LRCH1: variants seen among roughly 807,000 people sequenced by gnomAD.
LRCH1 encodes leucine rich repeats and calponin homology domain containing 1, also known as leucine-rich repeat and calponin homology domain-containing protein 1.
Under a neutral mutation model 94.9 loss-of-function variants are expected in LRCH1, and 23 were observed. The observed-to-expected ratio is 0.24, with a 90% CI of 0.17 to 0.34. The LOEUF (loss-of-function observed/expected upper bound fraction) is 0.34, where lower values mean the gene tolerates loss of function less well. Among genes scored for constraint, LRCH1 ranks in the 10% least tolerant of loss-of-function variants. LRCH1 has a pLI of 1.00. For missense variants in LRCH1, 790 were observed against 945.9 expected, an observed-to-expected ratio of 0.84 and a Z score of 2.16; for synonymous variants, 364 against 354.9, an observed-to-expected ratio of 1.03 and a Z score of -0.29.
chr13:46,585,352 C>T (rs1040411213), intron 1 of LRCH1, among the ~76,000 whole-genome samples: 10 of 151,900 alleles, frequency 6.6e-5, no homozygotes, highest in Non-Finnish European at 1.2e-4. Flanking sequence ...CCGAGGCAGG[C>T]GGATCACGAG....
At chr13:46,629,081 C>G (rs988910484) in intron 1 of LRCH1, among the ~76,000 whole-genome samples, 1 of 152,278 alleles carries the variant, frequency 6.6e-6, no homozygotes, top group Non-Finnish European at 1.5e-5. Context: ...TCTCAGAGGG[C>G]CTTTCCCAAG....
At chr13:46,577,562 G>T (rs1229614200) in intron 1 of LRCH1, among the ~76,000 whole-genome samples, 1 of 152,186 alleles carries the variant, frequency 6.6e-6, no homozygotes, top group Non-Finnish European at 1.5e-5. Flanking sequence ...AAGGTGGTAG[G>T]TTATACAGGG....
rs907696499 is a variant in LRCH1 at position 46,743,736 on chromosome 13, A to G, written c.*1888A>G. On this transcript the variant is annotated 3_prime_UTR_variant, in exon 20 of 20. Transcript: ENST00000389797. The stretch of plus-strand genomic sequence containing the variant: ...CCTTCTTTCTGGGGAGAAAATGGGA[A>G]AAAAAAAAAGAAAACTTACTGGGTT... The G allele has an allele frequency of 1.2e-5, 8 of 653,922 alleles. No homozygotes were observed. The highest frequency in any genetic ancestry group is 3.3e-4 in the East Asian group (1 of 3,008). The allele number at this position is 653,922 out of a possible 1,614,324, so 40.5% of individuals were successfully genotyped here.
chr13:46,584,605 C>T (rs554251500), intron 1 of LRCH1, among the ~76,000 whole-genome samples: 1 of 152,336 alleles, frequency 6.6e-6, no homozygotes, highest in East Asian at 1.9e-4. Context: ...GCCCCCTCAG[C>T]TCCTGTTGGA....
intron 2 of LRCH1, 50 bp downstream of exon 2, chr13:46,650,395 AC>A (rs768288231): frequency 8.2e-6 from 12 of 1,471,954 alleles, no homozygotes; most frequent in Non-Finnish European, 9.2e-6. Flanking sequence ...GAAATAAAAA[AC>A]TTATGCTTTC....
intron 1 of LRCH1, among the ~76,000 whole-genome samples, chr13:46,583,582 G>A (rs1477545686): frequency 6.6e-6 from 1 of 152,102 alleles, no homozygotes; most frequent in Non-Finnish European, 1.5e-5. Context: ...CCTTTGGACA[G>A]GATATCTAAT....
intron 9 of LRCH1, 47 bp from the exon 10 acceptor site, chr13:46,699,289 A>G: frequency 1.3e-6 from 2 of 1,505,834 alleles, no homozygotes; most frequent in Admixed American, 1.7e-5. Flanking sequence ...GCTCCTGACT[A>G]CTGAGTAGCC....
At chr13:46,665,308 A>G (rs376508209) in intron 2 of LRCH1, among the ~76,000 whole-genome samples, 10 of 152,240 alleles carry the variant, frequency 6.6e-5, no homozygotes, top group African/African-American at 2.4e-4. Context: ...AATAAGTGCC[A>G]TAGTCAAAAT....
In LRCH1 at chr13:46,708,474, G is replaced by A. The variant is rs566564164; in HGVS notation, c.1527+3170G>A. On this transcript the variant is annotated intron_variant, in intron 13 of 19. Coordinates refer to ENST00000389797, the MANE Select transcript of LRCH1 (RefSeq NM_001164211.2). ...TTTAGTAGAGACAGGGTTTTGCCAC[G>A]TTGGCCAAGCTGGTCTCAAACTTCT... 2.9e-4 allele frequency among the ~76,000 whole-genome samples: 44 copies of A among 152,124 alleles called. No homozygotes were observed. In the South Asian group the frequency reaches 4.8e-3, roughly 16 times the overall value.
At chr13:46,681,963 T>TGTGTGTGTGC in intron 4 of LRCH1, 117 bp downstream of exon 4, 1 of 644,532 alleles carries the variant, frequency 1.6e-6, no homozygotes, top group East Asian at 2.7e-5. Context: ...TGTGTGTGTG[T>TGTGTGTGTGC]GTGCCTACTA....
intron 2 of LRCH1, among the ~76,000 whole-genome samples, chr13:46,657,553 C>G (rs1214413084): frequency 2.4e-4 from 13 of 54,490 alleles, no homozygotes; most frequent in Non-Finnish European, 4.2e-4. Context: ...GAGGCAGGGT[C>G]TTGCTCTGTT....
At chr13:46,607,774 TTAACCAGGTGAGCAACTTCCTGGCGAG>T (rs1400010111) in intron 1 of LRCH1, among the ~76,000 whole-genome samples, 3 of 152,098 alleles carry the variant, frequency 2.0e-5, no homozygotes. Flanking sequence ...TTATTATCTA[TTAACCAGGTGAGCAACTTCCTGGCGAG>T]TGAGGGGTGC....
At chr13:46,619,986 T>C (rs2138021476) in intron 1 of LRCH1, among the ~76,000 whole-genome samples, 1 of 152,354 alleles carries the variant, frequency 6.6e-6, no homozygotes, top group African/African-American at 2.4e-5. Context: ...GTATGTTTAA[T>C]TTCCTTTTGG....
chr13:46,567,672 CT>C, intron 1 of LRCH1, among the ~76,000 whole-genome samples: 1 of 152,188 alleles, frequency 6.6e-6, no homozygotes, highest in Non-Finnish European at 1.5e-5. Context: ...CTATACAGTA[CT>C]GTAAAAGGTA....
intron 1 of LRCH1, among the ~76,000 whole-genome samples, chr13:46,612,540 G>A (rs1686914685): frequency 6.6e-6 from 1 of 152,162 alleles, no homozygotes; most frequent in Non-Finnish European, 1.5e-5. Context: ...CCTCTTTGGG[G>A]AGATAGGCTC....
intron 4 of LRCH1, among the ~76,000 whole-genome samples, chr13:46,685,168 C>A (rs563121603): frequency 9.8e-5 from 15 of 152,330 alleles, no homozygotes; most frequent in Middle Eastern, 3.4e-3. Flanking sequence ...CCCTAGATGT[C>A]TGGCGTGGCC....
chr13:46,718,819 G>A (rs748804733), intron 16 of LRCH1, among the ~76,000 whole-genome samples: 22 of 152,202 alleles, frequency 1.4e-4, no homozygotes, highest in Non-Finnish European at 2.8e-4. Context: ...CCAAGGAGAA[G>A]TTGAGAGCTA....
intron 5 of LRCH1, among the ~76,000 whole-genome samples, chr13:46,686,407 G>C (rs1870617866): frequency 1.3e-5 from 2 of 152,136 alleles, no homozygotes; most frequent in Admixed American, 1.3e-4. Context: ...TTCTGGGCGT[G>C]GGGCAGGACC....
rs543386051 is a variant in LRCH1 at position 46,718,359 on chromosome 13, A to C, written c.1759+2695A>C. ...CACTATAGGTATTATTTTTCCCATT[A>C]GAGAAATGAAGAAACTGAGGATATA... is the stretch of plus-strand genomic sequence containing the variant. On this transcript the variant is annotated intron_variant, in intron 16 of 19. Transcript: ENST00000389797. Among the ~76,000 whole-genome samples the C allele has an allele frequency of 4.6e-5, 7 of 152,292 alleles. No homozygotes were observed. In the South Asian group the frequency reaches 1.4e-3, roughly 32 times the overall value.
Sources: allele counts gnomAD v4.1 joint callset (sites outside exome capture counted in the v4.1 genomes callset), GRCh38; gene constraint gnomAD v4.1.1; transcripts MANE v1.5; gene names NCBI Gene and HGNC (gene_info 2026-07-23, HGNC 2026-07-21).